TM9SF2: variants seen among roughly 807,000 people sequenced by gnomAD.
TM9SF2 encodes the protein transmembrane 9 superfamily member 2, also known as 76 kDa membrane protein.
In TM9SF2, 13 loss-of-function variants were observed where a neutral mutation model predicts 84.9. The ratio of observed to expected loss-of-function variants is 0.15; its 90% CI spans 0.10 to 0.24. The LOEUF (loss-of-function observed/expected upper bound fraction) is 0.24, where lower values mean the gene tolerates loss of function less well. Ranked by LOEUF, TM9SF2 falls within the 10% of genes least tolerant of loss-of-function variation. TM9SF2 has a pLI of 1.00. For synonymous variants in TM9SF2, 273 were observed against 285.8 expected, an observed-to-expected ratio of 0.96 and a Z score of 0.45; for missense variants, 562 against 818.5, an observed-to-expected ratio of 0.69 and a Z score of 3.82.
chr13:99,505,882 A>T lies in TM9SF2; in HGVS notation c.171+4105A>T, dbSNP rs914189062. The stretch of plus-strand genomic sequence containing the variant: ...TTGTCAACCAGAATTCAGAACTAAG[A>T]ACTAAAAATAGTATTAATTCTCCAA... On this transcript the variant is annotated intron_variant, in intron 1 of 16. Transcript: ENST00000376387. Among the ~76,000 whole-genome samples, 8 of 152,220 alleles carry T rather than the reference A, an allele frequency of 5.3e-5. No individual in the cohort carries two copies. In the South Asian group the frequency reaches 1.7e-3, roughly 32 times the overall value.
chr13:99,544,761 C>A (rs1239370440), intron 10 of TM9SF2, among the ~76,000 whole-genome samples: 1 of 152,192 alleles, frequency 6.6e-6, no homozygotes, highest in East Asian at 1.9e-4. Context: ...TCTCTCTCCT[C>A]TAGGGAAAGC....
intron 4 of TM9SF2, among the ~76,000 whole-genome samples, chr13:99,533,417 T>C (rs1243411789): frequency 1.3e-5 from 2 of 152,194 alleles, no homozygotes; most frequent in Non-Finnish European, 2.9e-5. Flanking sequence ...ACTAAAATAT[T>C]GTACACGTTA....
At chr13:99,541,510 G>T (rs2046259401) in intron 8 of TM9SF2, 49 bp from the exon 9 acceptor site, 1 of 1,366,950 alleles carries the variant, frequency 7.3e-7, no homozygotes, top group Non-Finnish European at 1.0e-6. Flanking sequence ...GAGTTTTACT[G>T]TTCCTAGGAT....
Position 99,562,829 on chromosome 13 carries a change from C to T in TM9SF2, c.*71C>T, listed in dbSNP as rs1202686168. ...CATCAACAAAGACCTGTTTTTGTGA[C>T]TGCCTTGAGTTTTATCAGAATTATT... On this transcript the variant is annotated 3_prime_UTR_variant, in exon 17 of 17. Transcript: ENST00000376387. 2.1e-6 allele frequency: 3 copies of T among 1,450,112 alleles called. No individual in the cohort carries two copies. Among genetic ancestry groups the T allele is most frequent in the Non-Finnish European group, 2.9e-6 (3 of 1,044,144 alleles). The allele number at this position is 1,450,112 out of a possible 1,614,324, so 89.8% of individuals were successfully genotyped here. A position where few individuals can be genotyped will look rare whatever the true frequency, so the allele number is the denominator to read the frequency against.
chr13:99,560,283 A>G (rs1244341045), intron 16 of TM9SF2, among the ~76,000 whole-genome samples: 2 of 152,184 alleles, frequency 1.3e-5, no homozygotes, highest in African/African-American at 2.4e-5. Flanking sequence ...TTTTCCTCCA[A>G]TTAAAACTGT....
chr13:99,543,212 T>C (rs1266097192), intron 9 of TM9SF2, among the ~76,000 whole-genome samples: 1 of 152,240 alleles, frequency 6.6e-6, no homozygotes, highest in Non-Finnish European at 1.5e-5. Context: ...AGCCATCACA[T>C]ATGTTACATC....
intron 11 of TM9SF2, among the ~76,000 whole-genome samples, chr13:99,547,791 G>C (rs78484084): frequency 1.3e-5 from 2 of 152,176 alleles, no homozygotes; most frequent in African/African-American, 4.8e-5. Context: ...CCACAGTCTC[G>C]TCTGGGATAT....
At chr13:99,544,455 C>T (rs1216313946) in intron 10 of TM9SF2, among the ~76,000 whole-genome samples, 2 of 152,100 alleles carry the variant, frequency 1.3e-5, no homozygotes, top group Non-Finnish European at 2.9e-5. Context: ...GGTTTAGTTG[C>T]ACCCAAAGAC....
Position 99,544,050 on chromosome 13 carries a change from G to A in TM9SF2, c.1150+55G>A. 17 of 1,595,782 alleles carry A rather than the reference G, an allele frequency of 1.1e-5. No homozygotes were observed. In the South Asian group the frequency reaches 1.9e-4, roughly 18 times the overall value. On this transcript the variant is annotated intron_variant, in intron 10 of 16. Transcript: ENST00000376387. ...AAAATACTTTCTAAATACAGTAATTGCTTAAAAACCAGTTTTTCTGGCCGG... is the reference window on the plus strand; with the variant it reads ...AAAATACTTTCTAAATACAGTAATTACTTAAAAACCAGTTTTTCTGGCCGG...
chr13:99,518,282 T>G (rs2046143489), intron 2 of TM9SF2, among the ~76,000 whole-genome samples: 1 of 152,186 alleles, frequency 6.6e-6, no homozygotes, highest in African/African-American at 2.4e-5. Context: ...TGGCTAAGTT[T>G]TGTATTTTTG....
At chr13:99,531,694 T>G (rs369287241) in intron 4 of TM9SF2, among the ~76,000 whole-genome samples, 1 of 152,190 alleles carries the variant, frequency 6.6e-6, no homozygotes, top group African/African-American at 2.4e-5. Flanking sequence ...CTGCCTGTTA[T>G]GCTTGTGTCA....
rs746997839 is a variant in TM9SF2 at position 99,546,995 on chromosome 13, C to T, written c.1161C>T (p.Cys387=). 34 of 1,614,000 alleles carry T rather than the reference C, an allele frequency of 2.1e-5. No homozygotes were observed. The highest frequency in any genetic ancestry group is 2.7e-5 in the Non-Finnish European group (32 of 1,180,026). The change falls in exon 11 of 17, where the codon TGC becomes TGT. Residue 387 remains cysteine (C), a synonymous_variant. Transcript: ENST00000376387. ...IMTFVTLFFA[C]LGFLSPANRG... ...CGATTTGTGTTTTAGTTTTCGCTTG[C>T]CTGGGATTTTTGTCACCTGCCAACC...
At chr13:99,544,059 C>A (rs898500909) in intron 10 of TM9SF2, 64 bp downstream of exon 10, 2 of 1,583,418 alleles carry the variant, frequency 1.3e-6, no homozygotes, top group African/African-American at 1.4e-5. Flanking sequence ...TGCTTAAAAA[C>A]CAGTTTTTCT....
At chr13:99,542,902 C>A (rs1240173163) in intron 9 of TM9SF2, among the ~76,000 whole-genome samples, 1 of 152,106 alleles carries the variant, frequency 6.6e-6, no homozygotes, top group Non-Finnish European at 1.5e-5. Context: ...TGAAACTGCT[C>A]AAACAGAAGT....
chr13:99,519,113 G>T lies in TM9SF2; in HGVS notation c.240-923G>T, dbSNP rs547936203. ...TATCCTAAAGAATTCATATATCTAA[G>T]TATGTCTAAGAAAAGAATACAGAAG... On this transcript the variant is annotated intron_variant, in intron 2 of 16. Transcript: ENST00000376387. Among the ~76,000 whole-genome samples, 3 of 152,230 alleles carry T rather than the reference G, an allele frequency of 2.0e-5. No homozygotes were observed. In the East Asian group the frequency reaches 5.8e-4, roughly 29 times the overall value.
chr13:99,513,528 T>A (rs765432548), intron 1 of TM9SF2, among the ~76,000 whole-genome samples: 1 of 152,250 alleles, frequency 6.6e-6, no homozygotes, highest in Non-Finnish European at 1.5e-5. Flanking sequence ...TTATATGCCC[T>A]GAGACAGTGT....
intron 1 of TM9SF2, among the ~76,000 whole-genome samples, chr13:99,508,404 A>ACACACACAC (rs1555339316): frequency 7.4e-6 from 1 of 134,414 alleles, no homozygotes; most frequent in Non-Finnish European, 1.6e-5. Flanking sequence ...AGGCAAACAA[A>ACACACACAC]ACACACACAC....
intron 3 of TM9SF2, among the ~76,000 whole-genome samples, chr13:99,523,687 C>T (rs1016494422): frequency 6.6e-6 from 1 of 152,228 alleles, no homozygotes; most frequent in Non-Finnish European, 1.5e-5. Context: ...CAGTACCTTT[C>T]ATGTGCCAGG....
rs570397642 is a variant in TM9SF2 at position 99,501,495 on chromosome 13, G to T, written c.-112G>T. The T allele has an allele frequency of 3.6e-6, 5 of 1,384,114 alleles. No individual in the cohort carries two copies. Among genetic ancestry groups the T allele is most frequent in the East Asian group, 4.8e-5 (2 of 41,428 alleles). The allele number at this position is 1,384,114 out of a possible 1,614,324, so 85.7% of individuals were successfully genotyped here. On this transcript the variant is annotated 5_prime_UTR_variant, in exon 1 of 17. Transcript: ENST00000376387. ...CTAGCGCAACCGGAACTAGCCTTCT[G>T]GGGGCCGGCTTCCTTTATCTCTGGC...
Sources: gnomAD v4.1 joint callset for allele counts (sites outside exome capture counted in the v4.1 genomes callset) on GRCh38, gnomAD v4.1.1 for gene constraint, MANE v1.5 for transcripts, NCBI Gene and HGNC (gene_info 2026-07-23, HGNC 2026-07-21) for gene names.